MXI1: variants seen among roughly 807,000 people sequenced by gnomAD.
MXI1 encodes the protein MAX interactor 1, dimerization protein.
A neutral mutation model predicts 36.9 loss-of-function variants in MXI1; 18 were observed. The observed-to-expected ratio is 0.49, with a 90% CI of 0.34 to 0.72. The LOEUF (loss-of-function observed/expected upper bound fraction) is 0.72, where lower values mean the gene tolerates loss of function less well. MXI1 is among the 30% of genes least tolerant of loss of function. The pLI is 0.01. For synonymous variants in MXI1, 160 were observed against 146.7 expected (o/e 1.09, Z -0.65); for missense variants, 304 against 379.1 (o/e 0.80, Z 1.64).
intron 3 of MXI1, chr10:110,257,550 A>T (rs1284356149): frequency 6.5e-6 from 1 of 153,392 alleles, no homozygotes; most frequent in Non-Finnish European, 1.4e-5. Flanking sequence ...ACCTGAAGTG[A>T]TCCACCCGCT....
chr10:110,272,905 C>T (rs1023242553), intron 3 of MXI1, among the ~76,000 whole-genome samples: 2 of 151,984 alleles, frequency 1.3e-5, no homozygotes, highest in African/African-American at 4.8e-5. Flanking sequence ...TCAGATCTGA[C>T]ACTAGGGACC....
At chr10:110,272,252 C>G (rs995570886) in intron 3 of MXI1, among the ~76,000 whole-genome samples, 2 of 152,152 alleles carry the variant, frequency 1.3e-5, no homozygotes, top group African/African-American at 4.8e-5. Context: ...ATTTGGGATG[C>G]TCAGCTGAGT....
chr10:110,279,995 G>C lies in MXI1; in HGVS notation c.634G>C (p.Glu212Gln). ...ACAGAGATTTTTAAAGTGGCGACTGGAACAGCTGCAGGGTCCTCAGGAGAT... is the reference window on the plus strand; with the variant it reads ...ACAGAGATTTTTAAAGTGGCGACTGCAACAGCTGCAGGGTCCTCAGGAGAT... ...REQRFLKWRL[E>Q]QLQGPQEMER... Residue 212 changes from glutamate to glutamine, a missense_variant, in exon 5 of 6, where the codon GAA becomes CAA. Glu to Gln is a conservative substitution (Grantham distance 29). Transcript: ENST00000332674. 6.2e-7 allele frequency: 1 copy of C among 1,613,484 alleles called. No individual in the cohort carries two copies. The highest frequency in any genetic ancestry group is 1.1e-5 in the South Asian group (1 of 91,010).
intron 3 of MXI1, chr10:110,245,913 G>A (rs1855845003): frequency 6.6e-6 from 1 of 152,180 alleles, no homozygotes; most frequent in African/African-American, 2.4e-5. Context: ...GCTATGGATA[G>A]TTGAGTCTTA....
chr10:110,244,688 T>A, intron 2 of MXI1, 140 bp from the exon 3 acceptor site: 2 of 611,476 alleles, frequency 3.3e-6, no homozygotes, highest in South Asian at 2.4e-5. Flanking sequence ...TTCCTCTCGA[T>A]GAGTGAGCTT....
At chr10:110,262,862 A>G (rs945894681) in intron 3 of MXI1, among the ~76,000 whole-genome samples, 1 of 152,144 alleles carries the variant, frequency 6.6e-6, no homozygotes, top group Non-Finnish European at 1.5e-5. Flanking sequence ...GCTAAGATAC[A>G]TAATTTTTCA....
chr10:110,232,150 C>T (rs149324683), intron 2 of MXI1, among the ~76,000 whole-genome samples: 4,335 of 152,238 alleles, frequency 0.028, 348 homozygotes, highest in East Asian at 0.28. Context: ...TTAGTAGAGA[C>T]AGGGTTTCAC....
chr10:110,255,343 A>C (rs1187248316), intron 3 of MXI1, among the ~76,000 whole-genome samples: 1 of 152,222 alleles, frequency 6.6e-6, no homozygotes, highest in African/African-American at 2.4e-5. Context: ...TCGACAATAC[A>C]CCTGGTTACC....
intron 3 of MXI1, among the ~76,000 whole-genome samples, chr10:110,256,464 A>G (rs1479454097): frequency 6.6e-6 from 1 of 151,782 alleles, no homozygotes; most frequent in African/African-American, 2.4e-5. Flanking sequence ...TTAGCCGGGC[A>G]TGGTGGTGCA....
chr10:110,250,706 C>T (rs1055800297), intron 3 of MXI1, among the ~76,000 whole-genome samples: 1 of 151,600 alleles, frequency 6.6e-6, no homozygotes, highest in Non-Finnish European at 1.5e-5. Context: ...GTGGTGCATC[C>T]TTGTAATCCC....
chr10:110,245,214 G>T (rs1855820536), intron 3 of MXI1, among the ~76,000 whole-genome samples: 1 of 152,090 alleles, frequency 6.6e-6, no homozygotes, highest in Non-Finnish European at 1.5e-5. Context: ...GGAGGGCATT[G>T]AATTTTTCTT....
rs569536381 is a variant in MXI1 at position 110,267,217 on chromosome 10, G to T, written c.438-11963G>T. On this transcript the variant is annotated intron_variant, in intron 3 of 5. Transcript: ENST00000332674. ...AAAGGCAGTCTTAATACAATATGTG[G>T]TAACTATATGGGGACTTACTACCCC... Among the ~76,000 whole-genome samples, 3 of 152,286 alleles carry T rather than the reference G, an allele frequency of 2.0e-5. No homozygotes were observed. The South Asian group carries it at 6.2e-4, about 32-fold the overall frequency.
intron 1 of MXI1, among the ~76,000 whole-genome samples, chr10:110,209,354 AAAG>A (rs980111626): frequency 2.1e-4 from 32 of 152,088 alleles, no homozygotes; most frequent in African/African-American, 6.0e-4. Context: ...AGAGAGAAAG[AAAG>A]AAGAAAGGTC....
At chr10:110,245,938 TAATC>T (rs770444512) in intron 3 of MXI1, 22 of 152,134 alleles carry the variant, frequency 1.4e-4, no homozygotes, top group Non-Finnish European at 2.2e-4. Flanking sequence ...ATATTACTGT[TAATC>T]AAGAAAAGAA....
At chr10:110,249,985 A>C (rs1034541190) in intron 3 of MXI1, among the ~76,000 whole-genome samples, 1 of 152,120 alleles carries the variant, frequency 6.6e-6, no homozygotes, top group Non-Finnish European at 1.5e-5. Flanking sequence ...ATAGCCACCA[A>C]ATGTTGAGGT....
At chr10:110,248,069 A>G (rs1309489611) in intron 3 of MXI1, among the ~76,000 whole-genome samples, 1 of 152,196 alleles carries the variant, frequency 6.6e-6, no homozygotes, top group Non-Finnish European at 1.5e-5. Context: ...GCTGGAAACC[A>G]TCATTCTCAG....
chr10:110,217,920 G>A (rs1854693972), intron 1 of MXI1, among the ~76,000 whole-genome samples: 1 of 152,166 alleles, frequency 6.6e-6, no homozygotes, highest in African/African-American at 2.4e-5. Context: ...CTATGGGCCA[G>A]CACAATGCTA....
chr10:110,221,453 C>A (rs1450440194), intron 1 of MXI1, among the ~76,000 whole-genome samples: 1 of 152,220 alleles, frequency 6.6e-6, no homozygotes, highest in Non-Finnish European at 1.5e-5. Flanking sequence ...CAGTAGCACC[C>A]TGGTGTCACC....
At chr10:110,212,833 C>T (rs1479751634) in intron 1 of MXI1, among the ~76,000 whole-genome samples, 1 of 152,216 alleles carries the variant, frequency 6.6e-6, no homozygotes, top group African/African-American at 2.4e-5. Flanking sequence ...CTTTGATAAT[C>T]AGTACCATGC....
Sources: gnomAD v4.1 joint callset for allele counts (sites outside exome capture counted in the v4.1 genomes callset) on GRCh38, gnomAD v4.1.1 for gene constraint, MANE v1.5 for transcripts, NCBI Gene and HGNC (gene_info 2026-07-23, HGNC 2026-07-21) for gene names.